The following PPP1R9A variants were observed in gnomAD, a reference collection of about 807,000 sequenced individuals.
PPP1R9A encodes protein phosphatase 1 regulatory subunit 9A.
PPP1R9A carries 59 observed loss-of-function variants against 141.9 expected under a neutral mutation model. That is an observed-to-expected ratio of 0.42 (90% CI 0.34 to 0.52). The LOEUF is 0.52. Among genes scored for constraint, PPP1R9A ranks in the 20% least tolerant of loss-of-function variants. The pLI, the probability that PPP1R9A is intolerant of heterozygous loss-of-function variation, is 0.10. For synonymous variants in PPP1R9A, 500 were observed against 569.7 expected (o/e 0.88, Z 1.74); for missense variants, 1,444 against 1,611.9 (o/e 0.90, Z 1.78).
At chr7:95,023,013 C>A (rs549118294) in intron 2 of PPP1R9A, among the ~76,000 whole-genome samples, 2 of 152,094 alleles carry the variant, frequency 1.3e-5, no homozygotes, top group South Asian at 4.1e-4. Context: ...TAGGAGAATT[C>A]CCTCTTTTTC....
intron 5 of PPP1R9A, among the ~76,000 whole-genome samples, chr7:95,171,481 CA>C (rs1189308742): frequency 6.6e-6 from 1 of 151,344 alleles, no homozygotes; most frequent in Admixed American, 6.6e-5. Context: ...ATAAAAAGAA[CA>C]AAGACACAAG....
In PPP1R9A at chr7:95,288,518, G is replaced by GT; in HGVS notation, c.3730-17dup. On this transcript the variant is annotated splice_polypyrimidine_tract_variant and intron_variant, in intron 18 of 19. Transcript: ENST00000433360. ...TATCTTGGTCCTTTAACAACACTAC[G>GT]TAACATTCCTATCTTAGATCCTTGA... 1 of 1,612,282 alleles carries GT rather than the reference G, an allele frequency of 6.2e-7. No individual in the cohort carries two copies. Among genetic ancestry groups the GT allele is most frequent in the Non-Finnish European group, 8.5e-7 (1 of 1,179,226 alleles).
At chr7:95,031,030 C>T (rs1807600953) in intron 2 of PPP1R9A, among the ~76,000 whole-genome samples, 1 of 152,022 alleles carries the variant, frequency 6.6e-6, no homozygotes, top group South Asian at 2.1e-4. Context: ...GTAGTTGGGC[C>T]CTCTATTAAA....
chr7:95,127,940 T>G (rs1563277436), intron 4 of PPP1R9A, among the ~76,000 whole-genome samples: 1 of 152,248 alleles, frequency 6.6e-6, no homozygotes, highest in Non-Finnish European at 1.5e-5. Context: ...CCTAGGTTGG[T>G]TCTGTGTCTT....
At chr7:95,238,613 T>C (rs568303440) in intron 8 of PPP1R9A, among the ~76,000 whole-genome samples, 19 of 152,286 alleles carry the variant, frequency 1.2e-4, no homozygotes, top group African/African-American at 4.3e-4. Context: ...TCTATTTTTC[T>C]TTTTTGGCAT....
At chr7:95,287,511 C>T (rs925001660) in intron 18 of PPP1R9A, among the ~76,000 whole-genome samples, 11 of 152,106 alleles carry the variant, frequency 7.2e-5, no homozygotes, top group Non-Finnish European at 1.0e-4. Context: ...TCACCTTCAT[C>T]TCCTCTCAGC....
intron 2 of PPP1R9A, among the ~76,000 whole-genome samples, chr7:94,928,899 G>A (rs1371307227): frequency 1.3e-5 from 2 of 152,118 alleles, no homozygotes; most frequent in Non-Finnish European, 2.9e-5. Flanking sequence ...GTGTCTTCAA[G>A]TTTTTGTCCC....
intron 2 of PPP1R9A, among the ~76,000 whole-genome samples, chr7:95,016,090 G>A (rs1056252423): frequency 3.3e-5 from 5 of 152,076 alleles, no homozygotes; most frequent in African/African-American, 1.2e-4. Context: ...TGCCTAGATA[G>A]ATTGTAATCA....
intron 2 of PPP1R9A, among the ~76,000 whole-genome samples, chr7:94,978,273 T>G: frequency 6.6e-6 from 1 of 152,332 alleles, no homozygotes; most frequent in African/African-American, 2.4e-5. Context: ...TTACCTGAGA[T>G]TGAATTGTAC....
chr7:94,934,012 C>G (rs1273848115), intron 2 of PPP1R9A, among the ~76,000 whole-genome samples: 1 of 152,202 alleles, frequency 6.6e-6, no homozygotes, highest in East Asian at 1.9e-4. Flanking sequence ...AAAACTCTAA[C>G]ATTTTTAGTT....
chr7:95,229,791 A>G (rs1222369013), intron 8 of PPP1R9A, among the ~76,000 whole-genome samples: 1 of 152,094 alleles, frequency 6.6e-6, no homozygotes, highest in Non-Finnish European at 1.5e-5. Flanking sequence ...GCAAATTTGC[A>G]TCCTCCCTAT....
chr7:95,098,101 A>G (rs761162364), intron 2 of PPP1R9A: 15 of 152,368 alleles, frequency 9.8e-5, no homozygotes, highest in Non-Finnish European at 1.5e-4. Flanking sequence ...TCCCTTACTT[A>G]AAGTCAACTG....
intron 2 of PPP1R9A, among the ~76,000 whole-genome samples, chr7:95,103,296 T>C (rs1337549638): frequency 6.6e-6 from 1 of 151,394 alleles, no homozygotes; most frequent in East Asian, 1.9e-4. Context: ...CTTCCTTGTG[T>C]TGCCGTTTGA....
At chr7:95,152,988 T>C (rs1258102156) in intron 4 of PPP1R9A, among the ~76,000 whole-genome samples, 1 of 152,082 alleles carries the variant, frequency 6.6e-6, no homozygotes, top group Non-Finnish European at 1.5e-5. Flanking sequence ...TAGCTGAGAC[T>C]ACAGGCACCT....
intron 4 of PPP1R9A, among the ~76,000 whole-genome samples, chr7:95,150,866 G>A (rs1429950744): frequency 2.0e-5 from 3 of 152,062 alleles, no homozygotes; most frequent in Admixed American, 6.6e-5. Flanking sequence ...CTGATCATAC[G>A]TTTCACCAAA....
chr7:94,994,264 G>A lies in PPP1R9A; in HGVS notation c.1395+82756G>A, dbSNP rs538494220. Among the ~76,000 whole-genome samples the A allele has an allele frequency of 9.2e-5, 14 of 152,048 alleles. 1 individual carries two copies. Among genetic ancestry groups the A allele is most frequent in the East Asian group, 1.9e-4 (1 of 5,172 alleles). Reference sequence around the variant, plus strand: ...TTCTTCTGTGTCTTCATTCCTTCCCGCTGGGTATAGGGCAGGACACCAGTC... The same window carrying A: ...TTCTTCTGTGTCTTCATTCCTTCCCACTGGGTATAGGGCAGGACACCAGTC... On this transcript the variant is annotated intron_variant, in intron 2 of 19. Coordinates refer to ENST00000433360, the MANE Select transcript of PPP1R9A (RefSeq NM_001166160.2).
intron 2 of PPP1R9A, among the ~76,000 whole-genome samples, chr7:94,993,317 A>T (rs986387952): frequency 1.3e-5 from 2 of 152,116 alleles, no homozygotes; most frequent in Admixed American, 1.3e-4. Flanking sequence ...CTTAATAATA[A>T]TCCTTAAAAG....
intron 2 of PPP1R9A, among the ~76,000 whole-genome samples, chr7:94,976,647 G>A (rs1799484986): frequency 6.6e-6 from 1 of 152,134 alleles, no homozygotes; most frequent in African/African-American, 2.4e-5. Flanking sequence ...TGTGGTTGGT[G>A]AATATATGTG....
chr7:95,091,207 T>C (rs374536246), intron 2 of PPP1R9A, among the ~76,000 whole-genome samples: 1 of 152,102 alleles, frequency 6.6e-6, no homozygotes, highest in South Asian at 2.1e-4. Flanking sequence ...TTCATTAAAC[T>C]GTTAGAATCT....
Sources: gnomAD v4.1 joint callset for allele counts (sites outside exome capture counted in the v4.1 genomes callset) on GRCh38, gnomAD v4.1.1 for gene constraint, MANE v1.5 for transcripts, NCBI Gene and HGNC (gene_info 2026-07-23, HGNC 2026-07-21) for gene names.